Variants in TRAF3 observed in about 807,000 individuals in gnomAD.
TRAF3 encodes TNF receptor-associated factor 3.
TRAF3 carries 13 observed loss-of-function variants against 62.3 expected under a neutral mutation model. The ratio of observed to expected loss-of-function variants is 0.21; its 90% CI spans 0.14 to 0.33. The LOEUF is 0.33. TRAF3 is among the 10% of genes least tolerant of loss of function. The pLI, the probability that TRAF3 is intolerant of heterozygous loss-of-function variation, is 1.00. For missense variants in TRAF3, 440 were observed against 741.8 expected (o/e 0.59, Z 4.73); for synonymous variants, 269 against 283.4 (o/e 0.95, Z 0.51).
chr14:102,876,713 T>C (rs1022051191), intron 6 of TRAF3, 188 bp downstream of exon 6: 2 of 744,386 alleles, frequency 2.7e-6, no homozygotes, highest in Non-Finnish European at 4.4e-6. Context: ...AATTCATAGA[T>C]AATCCGTTCC....
chr14:102,859,650 C>T (rs1595369287), intron 2 of TRAF3, among the ~76,000 whole-genome samples: 2 of 152,178 alleles, frequency 1.3e-5, no homozygotes, highest in Admixed American at 6.5e-5. Flanking sequence ...TTAAGTCACA[C>T]GAATTAAAAG....
chr14:102,900,205 A>G (rs7155889), intron 10 of TRAF3, among the ~76,000 whole-genome samples: 1 of 135,458 alleles, frequency 7.4e-6, no homozygotes, highest in Non-Finnish European at 1.5e-5. Flanking sequence ...AAAAAAAAAG[A>G]CAGCCTAGGC....
chr14:102,785,953 C>T (rs1897479584), intron 1 of TRAF3, among the ~76,000 whole-genome samples: 1 of 152,178 alleles, frequency 6.6e-6, no homozygotes, highest in Non-Finnish European at 1.5e-5. Context: ...CCTTCCCTGC[C>T]TTCTCCAGGT....
At chr14:102,822,301 T>C (rs886895156) in intron 1 of TRAF3, among the ~76,000 whole-genome samples, 2 of 152,094 alleles carry the variant, frequency 1.3e-5, no homozygotes, top group Admixed American at 1.3e-4. Context: ...ACCATGCGAG[T>C]ATTTACAAAA....
At chr14:102,841,103 G>A (rs1008202060) in intron 2 of TRAF3, among the ~76,000 whole-genome samples, 2 of 152,170 alleles carry the variant, frequency 1.3e-5, no homozygotes, top group Non-Finnish European at 2.9e-5. Flanking sequence ...AGTTTGTCTC[G>A]AGAGGCAGTT....
intron 2 of TRAF3, among the ~76,000 whole-genome samples, chr14:102,833,946 G>A (rs963330796): frequency 1.1e-4 from 16 of 150,578 alleles, no homozygotes; most frequent in Non-Finnish European, 2.1e-4. Context: ...CCAAGATTGC[G>A]CCACTGCACT....
chr14:102,806,817 C>A (rs139175273), intron 1 of TRAF3, among the ~76,000 whole-genome samples: 4 of 152,120 alleles, frequency 2.6e-5, no homozygotes, highest in African/African-American at 4.8e-5. Flanking sequence ...ACCTGCAGGA[C>A]AAGGAGGCGT....
intron 1 of TRAF3, among the ~76,000 whole-genome samples, chr14:102,817,687 T>C (rs780617889): frequency 2.0e-5 from 3 of 152,212 alleles, no homozygotes; most frequent in Non-Finnish European, 4.4e-5. Flanking sequence ...AAAGTTTGCA[T>C]GAATTTCGAA....
chr14:102,819,979 T>C (rs1225882357), intron 1 of TRAF3, among the ~76,000 whole-genome samples: 1 of 152,170 alleles, frequency 6.6e-6, no homozygotes, highest in Non-Finnish European at 1.5e-5. Flanking sequence ...TGTCACGCAT[T>C]ATGCAGCGTG....
intron 1 of TRAF3, among the ~76,000 whole-genome samples, chr14:102,809,675 C>T (rs978431887): frequency 4.0e-5 from 6 of 151,424 alleles, no homozygotes; most frequent in African/African-American, 7.3e-5. Flanking sequence ...GGACCACAGG[C>T]GCTCGCCACC....
chr14:102,806,938 C>T (rs1319986494), intron 1 of TRAF3, among the ~76,000 whole-genome samples: 2 of 152,162 alleles, frequency 1.3e-5, no homozygotes, highest in Non-Finnish European at 2.9e-5. Flanking sequence ...TTCCTCCCTA[C>T]CCCCATCCAG....
chr14:102,863,057 A>C (rs1482823587), intron 2 of TRAF3, among the ~76,000 whole-genome samples: 1 of 152,206 alleles, frequency 6.6e-6, no homozygotes, highest in Non-Finnish European at 1.5e-5. Flanking sequence ...TTCTTTGAAC[A>C]TATTTAAAAT....
chr14:102,897,909 G>A (rs1890085099), intron 10 of TRAF3, among the ~76,000 whole-genome samples: 1 of 152,214 alleles, frequency 6.6e-6, no homozygotes, highest in African/African-American at 2.4e-5. Context: ...CTGAATAGAG[G>A]CGATGATGTA....
intron 11 of TRAF3, among the ~76,000 whole-genome samples, chr14:102,904,986 C>T (rs1213655339): frequency 2.0e-5 from 3 of 152,082 alleles, no homozygotes; most frequent in Non-Finnish European, 4.4e-5. Context: ...GTGGCAGGCA[C>T]CTCTAATCCC....
intron 2 of TRAF3, among the ~76,000 whole-genome samples, chr14:102,856,561 A>G (rs1464970808): frequency 1.3e-5 from 2 of 152,196 alleles, no homozygotes; most frequent in Non-Finnish European, 2.9e-5. Context: ...CTGTTTCATC[A>G]TTAAGGTCTT....
intron 1 of TRAF3, among the ~76,000 whole-genome samples, chr14:102,796,408 C>T (rs895440908): frequency 6.6e-6 from 1 of 152,202 alleles, no homozygotes; most frequent in African/African-American, 2.4e-5. Context: ...GTACATATTT[C>T]CCTGAGTCCT....
chr14:102,872,391 C>T (rs1220050733), intron 4 of TRAF3, among the ~76,000 whole-genome samples: 1 of 152,212 alleles, frequency 6.6e-6, no homozygotes, highest in Non-Finnish European at 1.5e-5. Context: ...TTCAGACTCG[C>T]TAGGCTGAGG....
intron 2 of TRAF3, among the ~76,000 whole-genome samples, chr14:102,839,225 T>TC: frequency 7.1e-6 from 1 of 141,734 alleles, no homozygotes; most frequent in Non-Finnish European, 1.5e-5. Flanking sequence ...TTTTTTTTTT[T>TC]TTTTTTTTTT....
chr14:102,906,351 T>C lies in TRAF3; in HGVS notation c.*567T>C, dbSNP rs1890585816. 6.6e-6 allele frequency: 1 copy of C among 152,564 alleles called. No individual in the cohort carries two copies. Among genetic ancestry groups the C allele is most frequent in the African/African-American group, 2.4e-5 (1 of 41,428 alleles). 9.5% of individuals were successfully genotyped at this position (152,564 alleles called of 1,614,324 possible). ...AGACCCTGAAGTATATACCTAGGTCTTTTTTTTGAAAGTCTCTAAATTCAG... is the reference window on the plus strand; with the variant it reads ...AGACCCTGAAGTATATACCTAGGTCCTTTTTTTGAAAGTCTCTAAATTCAG... On this transcript the variant is annotated 3_prime_UTR_variant, in exon 12 of 12. Coordinates refer to ENST00000392745, the MANE Select transcript of TRAF3 (RefSeq NM_145725.3).
Sources: gnomAD v4.1 joint callset for allele counts (sites outside exome capture counted in the v4.1 genomes callset) on GRCh38, gnomAD v4.1.1 for gene constraint, MANE v1.5 for transcripts, NCBI Gene and HGNC (gene_info 2026-07-23, HGNC 2026-07-21) for gene names.